The following TUBGCP3 variants were observed in gnomAD, a reference collection of about 807,000 sequenced individuals.
TUBGCP3 encodes the protein gamma-tubulin complex component 3.
In TUBGCP3, 50 loss-of-function variants were observed where a neutral mutation model predicts 123.1. The ratio of observed to expected loss-of-function variants is 0.41; its 90% confidence interval spans 0.32 to 0.51. The LOEUF (loss-of-function observed/expected upper bound fraction) is 0.51. Among genes scored for constraint, TUBGCP3 ranks in the 20% least tolerant of loss-of-function variants. The pLI is 0.36. For synonymous variants in TUBGCP3, 405 were observed against 413.9 expected (o/e 0.98, Z 0.26); for missense variants, 882 against 1,127.0 (o/e 0.78, Z 3.11).
At chr13:112,499,334 C>A in intron 19 of TUBGCP3, 149 bp from the exon 20 acceptor site, 1 of 1,090,116 alleles carries the variant, frequency 9.2e-7, no homozygotes, top group Non-Finnish European at 1.3e-6. Flanking sequence ...ATTCCCTCAC[C>A]ACACATTTCC....
At chr13:112,531,924 T>C (rs1877613071) in intron 11 of TUBGCP3, among the ~76,000 whole-genome samples, 1 of 152,072 alleles carries the variant, frequency 6.6e-6, no homozygotes, top group Non-Finnish European at 1.5e-5. Context: ...GCAGAAAGAA[T>C]TAAGAAAAAA....
chr13:112,510,775 CT>C (rs1303886194), intron 17 of TUBGCP3, among the ~76,000 whole-genome samples: 2 of 152,206 alleles, frequency 1.3e-5, no homozygotes, highest in African/African-American at 4.8e-5. Flanking sequence ...GGGGTGGGGA[CT>C]CCCCCAGGCA....
Position 112,493,918 on chromosome 13 carries a change from T to C in TUBGCP3, c.2449-4221A>G, listed in dbSNP as rs369014352. ...GGGGCCTGGTGTCCCTGAGACGTTCTGGCTATGGGAACATGGCCTGGTGTC... is the reference window on the plus strand; with the variant it reads ...GGGGCCTGGTGTCCCTGAGACGTTCCGGCTATGGGAACATGGCCTGGTGTC... On this transcript the variant is annotated intron_variant, in intron 20 of 21. Coordinates refer to ENST00000261965, the MANE Select transcript of TUBGCP3 (RefSeq NM_006322.6). Among the ~76,000 whole-genome samples, 8 of 151,628 alleles carry C rather than the reference T, an allele frequency of 5.3e-5. No individual in the cohort carries two copies. The East Asian group carries it at 1.4e-3, about 26-fold the overall frequency.
chr13:112,570,389 A>G (rs1211505423), intron 1 of TUBGCP3, among the ~76,000 whole-genome samples: 1 of 152,230 alleles, frequency 6.6e-6, no homozygotes, highest in Non-Finnish European at 1.5e-5. Context: ...ATATTAAAGA[A>G]AATATCACAA....
intron 8 of TUBGCP3, among the ~76,000 whole-genome samples, chr13:112,550,952 A>T (rs1313569502): frequency 6.6e-6 from 1 of 152,156 alleles, no homozygotes; most frequent in Non-Finnish European, 1.5e-5. Flanking sequence ...CAAAAAAATT[A>T]GCCGGGCGTG....
chr13:112,591,017 A>G (rs906232700), upstream of TUBGCP3, among the ~76,000 whole-genome samples: 1 of 152,240 alleles, frequency 6.6e-6, no homozygotes, highest in African/African-American at 2.4e-5. Context: ...AAGGCACCTA[A>G]GTAAAAACTG....
At chr13:112,579,963 C>T (rs1005913067) in intron 1 of TUBGCP3, among the ~76,000 whole-genome samples, 1 of 152,216 alleles carries the variant, frequency 6.6e-6, no homozygotes, top group African/African-American at 2.4e-5. Context: ...AATGGATAAA[C>T]TGGTTCATCA....
Position 112,545,965 on chromosome 13 carries a change from T to C in TUBGCP3, c.1169-100A>G, listed in dbSNP as rs1479622132. The C allele has an allele frequency of 3.0e-6, 4 of 1,349,602 alleles. No individual in the cohort carries two copies. Among genetic ancestry groups the C allele is most frequent in the Non-Finnish European group, 4.1e-6 (4 of 974,784 alleles). 83.6% of individuals were successfully genotyped at this position (1,349,602 alleles called of 1,614,324 possible). On this transcript the variant is annotated intron_variant, in intron 10 of 21. Transcript: ENST00000261965. This position sits in a 1 kb window ranked among gnomAD's most constrained non-coding sequence, Gnocchi z 4.1. ...ACCAAAGACGCCCAAGTAATTGAGA[T>C]AAAGAGCATTTGTTTTCTTACAGTT...
At chr13:112,587,864 C>G in intron 1 of TUBGCP3, 41 bp downstream of exon 1, 1 of 1,549,282 alleles carries the variant, frequency 6.5e-7, no homozygotes, top group African/African-American at 1.4e-5. Flanking sequence ...GAGCAGCCCC[C>G]GGGACGGGTC....
intron 12 of TUBGCP3, 119 bp from the exon 13 acceptor site, chr13:112,527,169 A>C: frequency 3.3e-6 from 3 of 910,964 alleles, no homozygotes; most frequent in Non-Finnish European, 5.1e-6. Flanking sequence ...AGCATCTGCT[A>C]CAGTATGGAG....
chr13:112,561,594 A>C (rs913047948), intron 3 of TUBGCP3, among the ~76,000 whole-genome samples: 1 of 152,154 alleles, frequency 6.6e-6, no homozygotes, highest in Non-Finnish European at 1.5e-5. Context: ...AAAAGAGAGA[A>C]GACAGAAGAA....
chr13:112,550,106 T>C (rs912241384), intron 8 of TUBGCP3, among the ~76,000 whole-genome samples: 1 of 151,762 alleles, frequency 6.6e-6, no homozygotes, highest in Non-Finnish European at 1.5e-5. Context: ...GCAAGAGCCT[T>C]CAGGGATGAG....
intron 9 of TUBGCP3, 96 bp from the exon 10 acceptor site, chr13:112,547,848 C>T (rs1879195447): frequency 2.3e-6 from 3 of 1,315,706 alleles, no homozygotes; most frequent in East Asian, 2.5e-5. Flanking sequence ...AATGATTATA[C>T]TCATAAAAAT....
intron 5 of TUBGCP3, among the ~76,000 whole-genome samples, chr13:112,557,361 T>C (rs1440946033): frequency 6.6e-6 from 1 of 152,236 alleles, no homozygotes; most frequent in Non-Finnish European, 1.5e-5. Flanking sequence ...ACACATTCTG[T>C]TTTCGAGTAT....
chr13:112,547,764 T>G lies in TUBGCP3; in HGVS notation c.1036-12A>C, dbSNP rs1014719759. On this transcript the variant is annotated splice_polypyrimidine_tract_variant and intron_variant, in intron 9 of 21. Coordinates refer to ENST00000261965, the MANE Select transcript of TUBGCP3 (RefSeq NM_006322.6). ...TCCTCTAGTTGTAGCTAAAAAACAA[T>G]AAAGATAGAAATGTTTAAGTACAAA... 2 of 1,451,586 alleles carry G rather than the reference T, an allele frequency of 1.4e-6. No individual in the cohort carries two copies. The highest frequency in any genetic ancestry group is 2.8e-5 in the African/African-American group (2 of 70,286). The allele number at this position is 1,451,586 out of a possible 1,614,324, so 89.9% of individuals were successfully genotyped here.
At chr13:112,514,889 A>C (rs1223952714) in intron 17 of TUBGCP3, among the ~76,000 whole-genome samples, 1 of 152,240 alleles carries the variant, frequency 6.6e-6, no homozygotes, top group Non-Finnish European at 1.5e-5. Context: ...GGAAAAAACT[A>C]CATGTCCAGG....
intron 12 of TUBGCP3, 117 bp from the exon 13 acceptor site, chr13:112,527,167 C>T (rs1322328931): frequency 1.1e-6 from 1 of 925,458 alleles, no homozygotes; most frequent in African/African-American, 1.7e-5. Flanking sequence ...AGAGCATCTG[C>T]TACAGTATGG....
intron 11 of TUBGCP3, 45 bp from the exon 12 acceptor site, chr13:112,527,529 G>T: frequency 1.5e-6 from 2 of 1,364,624 alleles, no homozygotes; most frequent in African/African-American, 1.4e-5. Context: ...GATATTTATG[G>T]CAAAATATTA....
At chr13:112,590,272 G>C (rs554665743), upstream of TUBGCP3, among the ~76,000 whole-genome samples, 1 of 152,106 alleles carries the variant, frequency 6.6e-6, no homozygotes, top group Non-Finnish European at 1.5e-5. Flanking sequence ...CACCGCGCCC[G>C]GTCCAGCCAT....
Sources: allele counts gnomAD v4.1 joint callset (sites outside exome capture counted in the v4.1 genomes callset), GRCh38; gene constraint gnomAD v4.1.1; non-coding constraint Gnocchi (gnomAD v3.1); transcripts MANE v1.5; gene names NCBI Gene and HGNC (gene_info 2026-07-23, HGNC 2026-07-21).